RAP1A: variants seen among roughly 807,000 people sequenced by gnomAD.
RAP1A encodes ras-related protein Rap-1A.
Under a neutral mutation model 26.4 loss-of-function variants are expected in RAP1A, and 6 were observed. That is an observed-to-expected ratio of 0.23 (90% CI 0.12 to 0.45). The LOEUF is 0.45. RAP1A is among the 20% of genes least tolerant of loss of function. The pLI is 0.99. For synonymous variants in RAP1A, 73 were observed against 79.4 expected (o/e 0.92, Z 0.43); for missense variants, 121 against 217.2 (o/e 0.56, Z 2.78).
At chr1:111,545,342 G>A (rs1031120593) in intron 1 of RAP1A, among the ~76,000 whole-genome samples, 1 of 151,940 alleles carries the variant, frequency 6.6e-6, no homozygotes, top group Non-Finnish European at 1.5e-5. Context: ...GTATCTCATT[G>A]TAGTCTTAAT....
chr1:111,615,574 T>C (rs1309267468), upstream of RAP1A, among the ~76,000 whole-genome samples: 1 of 152,162 alleles, frequency 6.6e-6, no homozygotes, highest in Non-Finnish European at 1.5e-5. Flanking sequence ...GGCTCACGCC[T>C]GTAATCCCAG....
chr1:111,701,062 A>G (rs1474327370), intron 4 of RAP1A, among the ~76,000 whole-genome samples: 1 of 152,186 alleles, frequency 6.6e-6, no homozygotes, highest in Non-Finnish European at 1.5e-5. Context: ...AATGTAAGTC[A>G]GATCATGTTT....
intron 1 of RAP1A, among the ~76,000 whole-genome samples, chr1:111,681,388 A>G (rs563249268): frequency 4.5e-4 from 69 of 152,342 alleles, no homozygotes; most frequent in African/African-American, 1.5e-3. Context: ...GAAGGTGGAT[A>G]ATAACAAACT....
intron 7 of RAP1A, among the ~76,000 whole-genome samples, chr1:111,711,753 G>A (rs891893583): frequency 1.3e-5 from 2 of 152,172 alleles, no homozygotes; most frequent in Non-Finnish European, 2.9e-5. Context: ...TGAACTCTGA[G>A]GCCACCTTAT....
At chr1:111,657,679 GT>G (rs1660505489) in intron 1 of RAP1A, among the ~76,000 whole-genome samples, 1 of 152,048 alleles carries the variant, frequency 6.6e-6, no homozygotes, top group Non-Finnish European at 1.5e-5. Context: ...TGAATATCCA[GT>G]TTTTCTAGCA....
intron 1 of RAP1A, among the ~76,000 whole-genome samples, chr1:111,572,476 T>C (rs1290615828): frequency 6.6e-6 from 1 of 152,232 alleles, no homozygotes; most frequent in East Asian, 1.9e-4. Flanking sequence ...CTTGAGATGT[T>C]CCATTTATCC....
chr1:111,570,482 T>C (rs1196006540), intron 1 of RAP1A, among the ~76,000 whole-genome samples: 5 of 152,084 alleles, frequency 3.3e-5, no homozygotes, highest in African/African-American at 1.2e-4. Context: ...ATGCCAAATG[T>C]GGGGGAGCAG....
At chr1:111,613,743 G>T (rs1038914841) in intron 1 of RAP1A, among the ~76,000 whole-genome samples, 4 of 152,170 alleles carry the variant, frequency 2.6e-5, no homozygotes. Context: ...GCAATGTTAA[G>T]TTGCCAGAAA....
At position 111,683,872 on chromosome 1, in the gene RAP1A, A is replaced by G. The variant is rs377302263; in HGVS notation, c.-27-7462A>G. ...AGACACAACAAAAAAGGAAAATTTC[A>G]GGCCAATATCCCTGATGACCATCGA... On this transcript the variant is annotated intron_variant, in intron 1 of 7. Transcript: ENST00000369709. 1.9e-3 allele frequency among the ~76,000 whole-genome samples: 294 copies of G among 152,346 alleles called. 1 individual carries two copies. The highest frequency in any genetic ancestry group is 6.9e-3 in the African/African-American group (287 of 41,578).
intron 1 of RAP1A, among the ~76,000 whole-genome samples, chr1:111,584,571 T>G (rs1303502582): frequency 6.6e-6 from 1 of 152,180 alleles, no homozygotes; most frequent in Non-Finnish European, 1.5e-5. Flanking sequence ...GTACCGCCTC[T>G]TAATACTATT....
intron 1 of RAP1A, among the ~76,000 whole-genome samples, chr1:111,656,998 C>A (rs982948234): frequency 6.6e-6 from 1 of 151,910 alleles, no homozygotes; most frequent in African/African-American, 2.4e-5. Flanking sequence ...ACAGTAATTC[C>A]CCATCCCCCT....
At chr1:111,641,942 G>A (rs990696229) in intron 1 of RAP1A, among the ~76,000 whole-genome samples, 1 of 151,978 alleles carries the variant, frequency 6.6e-6, no homozygotes, top group Non-Finnish European at 1.5e-5. Context: ...TTTTTGCCTC[G>A]TCTATAAAAT....
At chr1:111,616,312 T>C (rs562122014), upstream of RAP1A, among the ~76,000 whole-genome samples, 1 of 152,318 alleles carries the variant, frequency 6.6e-6, no homozygotes, top group South Asian at 2.1e-4. Context: ...TGCAGCTCCC[T>C]GAAGATTATG....
At chr1:111,602,458 A>G (rs1321841183) in intron 1 of RAP1A, 1 of 152,224 alleles carries the variant, frequency 6.6e-6, no homozygotes, top group Non-Finnish European at 1.5e-5. Context: ...GTTGGCACTC[A>G]TTAAATGTCA....
At chr1:111,546,623 AT>A (rs1657043205) in intron 1 of RAP1A, among the ~76,000 whole-genome samples, 2 of 152,146 alleles carry the variant, frequency 1.3e-5, no homozygotes, top group Admixed American at 6.5e-5. Context: ...AAGGCTGAAT[AT>A]TATTCTATTG....
rs998110294 is a variant in RAP1A, at chr1:111,716,276, A to G, written c.*3875A>G. The G allele has an allele frequency of 6.6e-6, 1 of 152,196 alleles. No homozygotes were observed. Among genetic ancestry groups the G allele is most frequent in the Non-Finnish European group, 1.5e-5 (1 of 68,030 alleles). 9.4% of individuals were successfully genotyped at this position (152,196 alleles called of 1,614,324 possible). Reference sequence around the variant, plus strand: ...GAGCTTTGAGGCGGTCTAACTACCCAGCTTTTAGTATTTATGTTCCCCAAA... The same window carrying G: ...GAGCTTTGAGGCGGTCTAACTACCCGGCTTTTAGTATTTATGTTCCCCAAA... On this transcript the variant is annotated 3_prime_UTR_variant, in exon 8 of 8. Coordinates refer to ENST00000369709, the MANE Select transcript of RAP1A (RefSeq NM_002884.4).
intron 1 of RAP1A, among the ~76,000 whole-genome samples, chr1:111,668,548 T>G (rs1660870106): frequency 6.6e-6 from 1 of 152,188 alleles, no homozygotes. Flanking sequence ...GGTGAAGGAA[T>G]GAAGCACAGA....
chr1:111,634,443 A>G (rs1007304386), intron 1 of RAP1A, among the ~76,000 whole-genome samples: 1 of 151,278 alleles, frequency 6.6e-6, no homozygotes, highest in Non-Finnish European at 1.5e-5. Context: ...ATATCTATTC[A>G]TATGTAGAAT....
At chr1:111,657,451 G>A (rs1660497180) in intron 1 of RAP1A, among the ~76,000 whole-genome samples, 1 of 152,118 alleles carries the variant, frequency 6.6e-6, no homozygotes, top group Admixed American at 6.5e-5. Context: ...TTCCCAAAGG[G>A]ATACTCAACC....
Sources: allele counts gnomAD v4.1 joint callset (sites outside exome capture counted in the v4.1 genomes callset), GRCh38; gene constraint gnomAD v4.1.1; transcripts MANE v1.5; gene names NCBI Gene and HGNC (gene_info 2026-07-23, HGNC 2026-07-21).